Variants in CBL observed in about 807,000 individuals in gnomAD.
CBL encodes Cbl proto-oncogene.
Under a neutral mutation model 96.9 loss-of-function variants are expected in CBL, and 45 were observed. The ratio of observed to expected loss-of-function variants is 0.46; its 90% CI spans 0.37 to 0.60. The LOEUF (loss-of-function observed/expected upper bound fraction) is 0.60. Ranked by LOEUF, CBL falls within the 20% of genes least tolerant of loss-of-function variation. The pLI, the probability that CBL is intolerant of heterozygous loss-of-function variation, is 0.00. For synonymous variants in CBL, 420 were observed against 426.8 expected (o/e 0.98, Z 0.20); for missense variants, 1,024 against 1,143.5 (o/e 0.90, Z 1.51).
At chr11:119,248,411 CA>C (rs1300076259) in intron 2 of CBL, among the ~76,000 whole-genome samples, 15 of 152,166 alleles carry the variant, frequency 9.9e-5, no homozygotes, top group Admixed American at 9.8e-4. Context: ...ACTAAATTAT[CA>C]CATTCAAAAG....
chr11:119,302,520 C>T lies in CBL; in HGVS notation c.*2739C>T, dbSNP rs1950108378. ...GGCAAGCCCTTCCGCTTGTCCCTTC[C>T]TAGTGGCTAATAAAGTAAAAAAACC... On this transcript the variant is annotated 3_prime_UTR_variant, in exon 16 of 16. Coordinates refer to ENST00000264033, the MANE Select transcript of CBL (RefSeq NM_005188.4). The T allele has an allele frequency of 4.3e-6, 1 of 232,544 alleles. No homozygotes were observed. Among genetic ancestry groups the T allele is most frequent in the South Asian group, 1.8e-4 (1 of 5,524 alleles). 14.4% of individuals were successfully genotyped at this position (232,544 alleles called of 1,614,324 possible).
intron 1 of CBL, among the ~76,000 whole-genome samples, chr11:119,207,760 C>T (rs1174233846): frequency 1.3e-5 from 2 of 152,040 alleles, no homozygotes; most frequent in Non-Finnish European, 2.9e-5. Flanking sequence ...TTAGAAGTAT[C>T]TGGCACGTTT....
At chr11:119,299,313 T>C (rs1030420695) in intron 15 of CBL, among the ~76,000 whole-genome samples, 182 bp from the exon 16 acceptor site, 1 of 152,178 alleles carries the variant, frequency 6.6e-6, no homozygotes, top group Non-Finnish European at 1.5e-5. Flanking sequence ...GTTGTTTTTA[T>C]TGTGATGAGG....
intron 1 of CBL, among the ~76,000 whole-genome samples, chr11:119,212,774 G>A (rs1949328788): frequency 6.6e-6 from 1 of 151,912 alleles, no homozygotes; most frequent in Admixed American, 6.6e-5. Context: ...ACTTTGGGAG[G>A]CTGAGGCTGG....
At chr11:119,212,248 A>G (rs1450059437) in intron 1 of CBL, among the ~76,000 whole-genome samples, 2 of 152,174 alleles carry the variant, frequency 1.3e-5, no homozygotes, top group Non-Finnish European at 1.5e-5. Flanking sequence ...GGTATTGGTG[A>G]TTTTTAAATG....
At position 119,278,474 on chromosome 11, in the gene CBL, A is replaced by G. The variant is rs765785524; in HGVS notation, c.1228-36A>G. The G allele has an allele frequency of 8.9e-6, 14 of 1,569,454 alleles. No individual in the cohort carries two copies. In the East Asian group the frequency reaches 3.1e-4, roughly 35 times the overall value. ...GTAGATTAATATTTTAAGTATTTTC[A>G]GATGCATCTGTTACTATCTTTTGCT... is the stretch of plus-strand genomic sequence containing the variant. On this transcript the variant is annotated intron_variant, in intron 8 of 15. Coordinates refer to ENST00000264033, the MANE Select transcript of CBL (RefSeq NM_005188.4).
In CBL at chr11:119,305,294, C is replaced by G; in HGVS notation, c.*5513C>G. 1 of 232,362 alleles carries G rather than the reference C, an allele frequency of 4.3e-6. No homozygotes were observed. Among genetic ancestry groups the G allele is most frequent in the Non-Finnish European group, 8.5e-6 (1 of 117,502 alleles). 14.4% of individuals were successfully genotyped at this position (232,362 alleles called of 1,614,324 possible). A position where few individuals can be genotyped will look rare whatever the true frequency, so the allele number is the denominator to read the frequency against. ...CCCTCCCTCTTGTGGGCCAGCCTGT[C>G]CTGTTCCAGAGCTAGCCTGTTCCTG... On this transcript the variant is annotated 3_prime_UTR_variant, in exon 16 of 16. Coordinates refer to ENST00000264033, the MANE Select transcript of CBL (RefSeq NM_005188.4).
At chr11:119,226,164 C>T (rs989076594) in intron 1 of CBL, among the ~76,000 whole-genome samples, 6 of 152,116 alleles carry the variant, frequency 3.9e-5, no homozygotes, top group Admixed American at 1.3e-4. Context: ...TCTTGGTTAC[C>T]AGAGACCATG....
In CBL at chr11:119,274,012, C is replaced by T. The variant is rs944689465; in HGVS notation, c.735C>T (p.Thr245=). 2 of 1,613,534 alleles carry T rather than the reference C, an allele frequency of 1.2e-6. No individual in the cohort carries two copies. The highest frequency in any genetic ancestry group is 1.7e-5 in the Admixed American group (1 of 59,976). ...YISVFEFDIF[T]RLFQPWSSLL... The stretch of plus-strand genomic sequence containing the variant: ...CGGTTTTTGAATTTGACATCTTTAC[C>T]CGACTCTTTCAGGTAGGACACTAAA... Residue 245 remains threonine (T), a synonymous_variant, in exon 4 of 16, where the codon ACC becomes ACT. Transcript: ENST00000264033.
intron 1 of CBL, among the ~76,000 whole-genome samples, chr11:119,225,090 A>G (rs578101823): frequency 2.3e-4 from 34 of 149,670 alleles, no homozygotes; most frequent in Admixed American, 1.6e-3. Flanking sequence ...GCTTGTATGT[A>G]TGCATGTATT....
intron 9 of CBL, among the ~76,000 whole-genome samples, chr11:119,280,607 G>A (rs925833067): frequency 6.6e-6 from 1 of 151,724 alleles, no homozygotes; most frequent in African/African-American, 2.4e-5. Flanking sequence ...TTTTTTTTAA[G>A]GTTTAAAAGA....
At chr11:119,280,772 C>G (rs1038862562) in intron 9 of CBL, among the ~76,000 whole-genome samples, 2 of 152,104 alleles carry the variant, frequency 1.3e-5, no homozygotes, top group African/African-American at 4.8e-5. Context: ...GATTCTTGAT[C>G]TCTTCACCTC....
intron 1 of CBL, among the ~76,000 whole-genome samples, chr11:119,208,158 G>A (rs1170845419): frequency 1.3e-5 from 2 of 152,140 alleles, no homozygotes; most frequent in Non-Finnish European, 2.9e-5. Context: ...AACTTTAAAT[G>A]TGTCGACTCC....
rs760728674 is a variant in CBL at position 119,278,252 on chromosome 11, G to A, written c.1182G>A (p.Glu394=). Residue 394 remains glutamate (E), a synonymous_variant, in exon 8 of 16, where the codon GAG becomes GAA. Coordinates refer to ENST00000264033, the MANE Select transcript of CBL (RefSeq NM_005188.4). ...AAAATGATAAGGATGTAAAGATTGA[G>A]CCCTGTGGACACCTCATGTGCACAT... The part of the protein sequence containing the change: ...CAENDKDVKI[E]PCGHLMCTSC... The A allele has an allele frequency of 7.4e-6, 12 of 1,613,724 alleles. No individual in the cohort carries two copies. The highest frequency in any genetic ancestry group is 3.3e-4 in the Middle Eastern group (2 of 6,062).
At chr11:119,221,704 G>A (rs576948403) in intron 1 of CBL, among the ~76,000 whole-genome samples, 30 of 150,216 alleles carry the variant, frequency 2.0e-4, no homozygotes, top group Admixed American at 1.7e-3. Context: ...GGAGGCGGAG[G>A]TTGCAGTGAG....
At chr11:119,215,513 A>C (rs1362941379) in intron 1 of CBL, among the ~76,000 whole-genome samples, 5 of 151,904 alleles carry the variant, frequency 3.3e-5, no homozygotes, top group Admixed American at 2.6e-4. Flanking sequence ...TAAAAATACA[A>C]AAATTAGCTG....
intron 1 of CBL, among the ~76,000 whole-genome samples, chr11:119,218,624 A>G (rs1040692148): frequency 2.6e-5 from 4 of 151,956 alleles, no homozygotes; most frequent in African/African-American, 9.7e-5. Context: ...GTGTAGATAC[A>G]TACTGTGGAT....
chr11:119,273,784 C>G, intron 3 of CBL, 84 bp from the exon 4 acceptor site: 615 of 1,141,718 alleles, frequency 5.4e-4, no homozygotes, highest in Middle Eastern at 7.9e-4. Flanking sequence ...CTTAATGTGG[C>G]TCTCCTTCCT....
intron 12 of CBL, among the ~76,000 whole-genome samples, chr11:119,294,442 A>T (rs939559197): frequency 6.6e-6 from 1 of 150,508 alleles, no homozygotes; most frequent in African/African-American, 2.4e-5. Context: ...AAAAAAAATT[A>T]TTGCCTTTTT....
Sources: gnomAD v4.1 joint callset for allele counts (sites outside exome capture counted in the v4.1 genomes callset) on GRCh38, gnomAD v4.1.1 for gene constraint, MANE v1.5 for transcripts, NCBI Gene and HGNC (gene_info 2026-07-23, HGNC 2026-07-21) for gene names.